The following CNIH3 variants were observed in gnomAD, a reference collection of about 807,000 sequenced individuals.
CNIH3 encodes cornichon family AMPA receptor auxiliary protein 3, also known as protein cornichon homolog 3.
In CNIH3, 14 loss-of-function variants were observed where a neutral mutation model predicts 24.1. The observed-to-expected ratio is 0.58, with a 90% CI of 0.38 to 0.91. The LOEUF (loss-of-function observed/expected upper bound fraction) is 0.91, where lower values mean the gene tolerates loss of function less well. Among genes scored for constraint, CNIH3 ranks in the 40% least tolerant of loss-of-function variants. CNIH3 has a pLI of 0.00. For missense variants in CNIH3, 178 were observed against 196.8 expected, an observed-to-expected ratio of 0.90 and a Z score of 0.57; for synonymous variants, 68 against 73.8, an observed-to-expected ratio of 0.92 and a Z score of 0.40.
chr1:224,737,289 C>T (rs993556777), intron 5 of CNIH3, among the ~76,000 whole-genome samples: 2 of 152,062 alleles, frequency 1.3e-5, no homozygotes, highest in Admixed American at 1.3e-4. Context: ...GTTCTGTAAC[C>T]GAGTGTGTTC....
chr1:224,578,841 T>G (rs1681145720), intron 4 of CNIH3, among the ~76,000 whole-genome samples: 1 of 152,200 alleles, frequency 6.6e-6, no homozygotes, highest in South Asian at 2.1e-4. Flanking sequence ...GCTTGTAGGA[T>G]TTTCTCTTTG....
At chr1:224,527,441 A>G (rs1447344775) in intron 2 of CNIH3, among the ~76,000 whole-genome samples, 1 of 152,218 alleles carries the variant, frequency 6.6e-6, no homozygotes, top group African/African-American at 2.4e-5. Flanking sequence ...ACGGCTGTTG[A>G]ATAAAATTGT....
intron 2 of CNIH3, among the ~76,000 whole-genome samples, chr1:224,531,817 G>A (rs1034187626): frequency 6.6e-6 from 1 of 152,190 alleles, no homozygotes; most frequent in African/African-American, 2.4e-5. Context: ...CACAGAGGCA[G>A]ATGAGAGACA....
intron 1 of CNIH3, among the ~76,000 whole-genome samples, chr1:224,472,350 C>T (rs902381617): frequency 2.0e-5 from 3 of 152,166 alleles, no homozygotes; most frequent in African/African-American, 7.2e-5. Context: ...TATAGCAGCA[C>T]AATTCACAAT....
chr1:224,457,914 C>T (rs890400999), intron 1 of CNIH3, among the ~76,000 whole-genome samples: 2 of 152,070 alleles, frequency 1.3e-5, no homozygotes, highest in African/African-American at 4.8e-5. Context: ...AAAGGTATAC[C>T]AGAAGCTATA....
chr1:224,684,887 G>A lies in CNIH3; in HGVS notation c.198+44G>A. Reference sequence around the variant, plus strand: ...TGCCGAGGATGGAGGATCGCATGGTGGTGGGTGGGCACACAGTGAAAGAGG... The same window carrying A: ...TGCCGAGGATGGAGGATCGCATGGTAGTGGGTGGGCACACAGTGAAAGAGG... On this transcript the variant is annotated intron_variant, in intron 3 of 5. Coordinates refer to ENST00000272133, the MANE Select transcript of CNIH3 (RefSeq NM_152495.2). This position sits in a 1 kb window ranked among gnomAD's most constrained non-coding sequence, Gnocchi z 4.2. 1.3e-6 allele frequency: 2 copies of A among 1,584,076 alleles called. No individual in the cohort carries two copies. Among genetic ancestry groups the A allele is most frequent in the Non-Finnish European group, 1.7e-6 (2 of 1,152,660 alleles).
At chr1:224,726,189 A>G (rs1689016272) in intron 3 of CNIH3, among the ~76,000 whole-genome samples, 1 of 152,266 alleles carries the variant, frequency 6.6e-6, no homozygotes, top group Non-Finnish European at 1.5e-5. Flanking sequence ...TTCTTGCACC[A>G]GCCTGGAGAG....
intron 1 of CNIH3, among the ~76,000 whole-genome samples, chr1:224,493,834 G>A (rs1010457078): frequency 6.6e-6 from 1 of 152,084 alleles, no homozygotes; most frequent in Non-Finnish European, 1.5e-5. Flanking sequence ...GCACCTGGAG[G>A]AGACTCAATA....
At chr1:224,589,088 C>T (rs987566437), downstream of CNIH3, among the ~76,000 whole-genome samples, 6 of 150,584 alleles carry the variant, frequency 4.0e-5, no homozygotes, top group African/African-American at 9.8e-5. Flanking sequence ...AAGCGAGCAC[C>T]GTTATTGCTG....
chr1:224,621,386 T>G (rs2125066021), intron 1 of CNIH3, among the ~76,000 whole-genome samples: 1 of 152,262 alleles, frequency 6.6e-6, no homozygotes, highest in South Asian at 2.1e-4. Flanking sequence ...AAACAAAAAA[T>G]GGGTTTATGT....
chr1:224,619,001 C>T (rs1338038962), intron 1 of CNIH3, among the ~76,000 whole-genome samples: 1 of 152,210 alleles, frequency 6.6e-6, no homozygotes, highest in South Asian at 2.1e-4. Context: ...TTCTCAGCTT[C>T]TTTGGATATG....
chr1:224,655,026 G>A, intron 1 of CNIH3, among the ~76,000 whole-genome samples: 1 of 152,088 alleles, frequency 6.6e-6, no homozygotes, highest in East Asian at 1.9e-4. Context: ...GTTTAATGAA[G>A]GGACTATTTA....
chr1:224,492,986 A>T (rs1677291266), intron 1 of CNIH3, among the ~76,000 whole-genome samples: 1 of 152,212 alleles, frequency 6.6e-6, no homozygotes, highest in Non-Finnish European at 1.5e-5. Context: ...CAATATCAGA[A>T]TGGAGGACAG....
intron 3 of CNIH3, among the ~76,000 whole-genome samples, chr1:224,609,226 T>C (rs917337253): frequency 6.6e-6 from 1 of 152,102 alleles, no homozygotes; most frequent in African/African-American, 2.4e-5. Context: ...AAACACAATT[T>C]TGAAACAACT....
intron 1 of CNIH3, among the ~76,000 whole-genome samples, chr1:224,468,824 CAA>C (rs1214427002): frequency 4.2e-4 from 44 of 104,374 alleles, no homozygotes; most frequent in Non-Finnish European, 4.0e-4. Context: ...GACCCTGTCT[CAA>C]AAAAAAAAAA....
chr1:224,531,147 T>A (rs1053455923), intron 2 of CNIH3, among the ~76,000 whole-genome samples: 2 of 152,176 alleles, frequency 1.3e-5, no homozygotes, highest in Non-Finnish European at 2.9e-5. Context: ...AAGAGAATAG[T>A]GTATTCCAGC....
intron 1 of CNIH3, among the ~76,000 whole-genome samples, chr1:224,618,106 T>A (rs1223523884): frequency 2.0e-5 from 3 of 152,168 alleles, no homozygotes; most frequent in African/African-American, 7.2e-5. Flanking sequence ...AGCTTCTGAA[T>A]AGGGGAAGAG....
At chr1:224,507,889 G>A (rs974994641) in intron 1 of CNIH3, among the ~76,000 whole-genome samples, 1 of 152,224 alleles carries the variant, frequency 6.6e-6, no homozygotes, top group Non-Finnish European at 1.5e-5. Flanking sequence ...CAGGAATGGT[G>A]TTTGTATTCC....
Position 224,616,464 on chromosome 1 carries a change from C to G in CNIH3, c.-711C>G. On this transcript the variant is annotated 5_prime_UTR_variant, in exon 1 of 6. Coordinates refer to ENST00000272133, the MANE Select transcript of CNIH3 (RefSeq NM_152495.2). ...CCAGTGCTCGCCCCGGTCCGACCCC[C>G]GGTTTCCGGGACACTTGGGTTGCGG... The G allele has an allele frequency of 1.0e-6, 1 of 988,280 alleles. No individual in the cohort carries two copies. Among genetic ancestry groups the G allele is most frequent in the Non-Finnish European group, 1.2e-6 (1 of 831,258 alleles). 61.2% of individuals were successfully genotyped at this position (988,280 alleles called of 1,614,324 possible). A position where few individuals can be genotyped will look rare whatever the true frequency, so the allele number is the denominator to read the frequency against.
Sources: allele counts gnomAD v4.1 joint callset (sites outside exome capture counted in the v4.1 genomes callset), GRCh38; gene constraint gnomAD v4.1.1; non-coding constraint Gnocchi (gnomAD v3.1); transcripts MANE v1.5; gene names NCBI Gene and HGNC (gene_info 2026-07-23, HGNC 2026-07-21).